SP4: variants seen among roughly 807,000 people sequenced by gnomAD.
SP4 encodes Sp4 transcription factor, also known as transcription factor Sp4.
In SP4, 19 loss-of-function variants were observed where a neutral mutation model predicts 72.8. The observed-to-expected ratio is 0.26, with a 90% CI of 0.18 to 0.38. SP4 has a LOEUF of 0.38. Among genes scored for constraint, SP4 ranks in the 10% least tolerant of loss-of-function variants. The probability of loss-of-function intolerance (pLI) is 1.00; values close to 1 mark genes in which losing one functional copy is unlikely to be tolerated. For missense variants in SP4, 1,008 were observed against 926.3 expected, an observed-to-expected ratio of 1.09 and a Z score of -1.14; for synonymous variants, 395 against 333.1, an observed-to-expected ratio of 1.19 and a Z score of -2.02.
chr7:21,429,891 G>C lies in SP4; in HGVS notation c.726G>C (p.Gln242His), dbSNP rs1335126155. The C allele has an allele frequency of 6.2e-7, 1 of 1,614,118 alleles. No individual in the cohort carries two copies. Among genetic ancestry groups the C allele is most frequent in the Admixed American group, 1.7e-5 (1 of 60,022 alleles). The change falls in exon 3 of 6, where the codon CAG becomes CAC. Residue 242 changes from glutamine to histidine, a missense_variant. Coordinates refer to ENST00000222584, the MANE Select transcript of SP4 (RefSeq NM_003112.5). ...GACCTGGTGTTTCAATACCACTGCAGTTACAGACTCTTCCTGGTACTCAGG... is the reference window on the plus strand; with the variant it reads ...GACCTGGTGTTTCAATACCACTGCACTTACAGACTCTTCCTGGTACTCAGG... ...QIRPGVSIPL[Q>H]LQTLPGTQAQ...
At chr7:21,497,994 C>T (rs1255688821) in intron 5 of SP4, among the ~76,000 whole-genome samples, 1 of 152,072 alleles carries the variant, frequency 6.6e-6, no homozygotes, top group Non-Finnish European at 1.5e-5. Flanking sequence ...TCTAAACCTC[C>T]TTAAGTCTTC....
intron 3 of SP4, among the ~76,000 whole-genome samples, chr7:21,463,365 C>G (rs1298744300): frequency 6.6e-6 from 1 of 152,160 alleles, no homozygotes; most frequent in Non-Finnish European, 1.5e-5. Flanking sequence ...GGTTACCAAG[C>G]AACAGTGATG....
At chr7:21,436,762 C>T (rs1783062818) in intron 3 of SP4, among the ~76,000 whole-genome samples, 1 of 152,148 alleles carries the variant, frequency 6.6e-6, no homozygotes, top group Admixed American at 6.5e-5. Flanking sequence ...ACCTGTTGAA[C>T]CACAAATTGC....
At chr7:21,491,149 G>A (rs556870841) in intron 5 of SP4, among the ~76,000 whole-genome samples, 4 of 152,150 alleles carry the variant, frequency 2.6e-5, no homozygotes, top group Non-Finnish European at 5.9e-5. Flanking sequence ...ATGATCCATG[G>A]ACTAAAGATA....
At chr7:21,429,140 T>C in intron 2 of SP4, 149 bp from the exon 3 acceptor site, 1 of 597,250 alleles carries the variant, frequency 1.7e-6, no homozygotes, top group East Asian at 2.8e-5. Flanking sequence ...TTATCTACTT[T>C]TGTTCGTATT....
At position 21,449,094 on chromosome 7, in the gene SP4, T is replaced by C. The variant is rs1056367663; in HGVS notation, c.1678+18251T>C. Among the ~76,000 whole-genome samples the C allele has an allele frequency of 1.2e-4, 19 of 152,316 alleles. No homozygotes were observed. The Middle Eastern group carries it at 0.01, about 82-fold the overall frequency. On this transcript the variant is annotated intron_variant, in intron 3 of 5. Transcript: ENST00000222584. ...CCTCCTATATTAGGTTCTCATACTT[T>C]AGACCACCTGCTCTAATCACCCCCC...
Position 21,514,414 on chromosome 7 carries a change from G to T in SP4, c.*3145G>T, listed in dbSNP as rs1782216680. On this transcript the variant is annotated 3_prime_UTR_variant, in exon 6 of 6. Transcript: ENST00000222584. ...CACATAAATTGATGTGCAGCATAGGGTATTAAATCTACATAATGATTTTAA... is the reference window on the plus strand; with the variant it reads ...CACATAAATTGATGTGCAGCATAGGTTATTAAATCTACATAATGATTTTAA... 1 of 151,984 alleles carries T rather than the reference G, an allele frequency of 6.6e-6. No individual in the cohort carries two copies. The highest frequency in any genetic ancestry group is 1.5e-5 in the Non-Finnish European group (1 of 67,962). The allele number at this position is 151,984 out of a possible 1,614,324, so 9.4% of individuals were successfully genotyped here. A position where few individuals can be genotyped will look rare whatever the true frequency, so the allele number is the denominator to read the frequency against.
chr7:21,495,298 A>G (rs939625232), intron 5 of SP4, among the ~76,000 whole-genome samples: 2 of 152,186 alleles, frequency 1.3e-5, no homozygotes, highest in Non-Finnish European at 2.9e-5. Context: ...GAAAACTCTT[A>G]ACAGATACAG....
chr7:21,504,401 C>T (rs943729067), intron 5 of SP4, among the ~76,000 whole-genome samples: 2 of 152,140 alleles, frequency 1.3e-5, no homozygotes, highest in African/African-American at 2.4e-5. Context: ...CGGGTTAAGA[C>T]CATATAATTT....
chr7:21,467,122 G>T (rs1461427575), intron 3 of SP4, among the ~76,000 whole-genome samples: 1 of 151,754 alleles, frequency 6.6e-6, no homozygotes, highest in Non-Finnish European at 1.5e-5. Flanking sequence ...TTGTTTTTGG[G>T]GTCTGTTTTG....
At chr7:21,460,075 C>A (rs907879704) in intron 3 of SP4, among the ~76,000 whole-genome samples, 1 of 151,988 alleles carries the variant, frequency 6.6e-6, no homozygotes, top group African/African-American at 2.4e-5. Context: ...ACCTGGTAGG[C>A]TTGAACTAAT....
chr7:21,492,183 G>A (rs112688976), intron 5 of SP4, among the ~76,000 whole-genome samples: 86 of 152,226 alleles, frequency 5.6e-4, no homozygotes, highest in African/African-American at 2.0e-3. Context: ...AAGCTGCTTT[G>A]TTTTACTCTG....
intron 3 of SP4, among the ~76,000 whole-genome samples, chr7:21,432,654 G>T (rs1782903555): frequency 6.6e-6 from 1 of 152,032 alleles, no homozygotes; most frequent in African/African-American, 2.4e-5. Context: ...GAATTGTGGG[G>T]GTCAAGGGAT....
chr7:21,492,211 A>G (rs899608788), intron 5 of SP4, among the ~76,000 whole-genome samples: 2 of 152,184 alleles, frequency 1.3e-5, no homozygotes, highest in Non-Finnish European at 2.9e-5. Flanking sequence ...AGAAGTTGTT[A>G]TATATATTTT....
chr7:21,436,654 T>C (rs1314396463), intron 3 of SP4, among the ~76,000 whole-genome samples: 1 of 152,208 alleles, frequency 6.6e-6, no homozygotes, highest in African/African-American at 2.4e-5. Flanking sequence ...TCTGTACTTT[T>C]CTGATGCGGA....
chr7:21,469,920 T>C (rs923419804), intron 3 of SP4, among the ~76,000 whole-genome samples: 1 of 152,114 alleles, frequency 6.6e-6, no homozygotes, highest in Non-Finnish European at 1.5e-5. Context: ...TGAATGTAGA[T>C]AGCAAATGTC....
intron 5 of SP4, among the ~76,000 whole-genome samples, chr7:21,499,751 T>G (rs1259205049): frequency 1.3e-5 from 2 of 152,224 alleles, no homozygotes; most frequent in Non-Finnish European, 2.9e-5. Context: ...AATTTATAAA[T>G]ATGGAGGTAT....
intron 5 of SP4, among the ~76,000 whole-genome samples, chr7:21,486,559 G>A (rs1418660072): frequency 1.3e-5 from 2 of 152,074 alleles, no homozygotes; most frequent in Non-Finnish European, 2.9e-5. Context: ...CTGTCACATT[G>A]GGTTTGTCTA....
At chr7:21,484,157 A>T (rs188141527) in intron 5 of SP4, among the ~76,000 whole-genome samples, 1 of 151,918 alleles carries the variant, frequency 6.6e-6, no homozygotes, top group Non-Finnish European at 1.5e-5. Context: ...TAAAGTAGTA[A>T]TACAAATGAG....
Sources: gnomAD v4.1 joint callset for allele counts (sites outside exome capture counted in the v4.1 genomes callset) on GRCh38, gnomAD v4.1.1 for gene constraint, MANE v1.5 for transcripts, NCBI Gene and HGNC (gene_info 2026-07-23, HGNC 2026-07-21) for gene names.